The following MAGI2 variants were observed in gnomAD, a reference collection of about 807,000 sequenced individuals.
MAGI2 encodes membrane associated guanylate kinase, WW and PDZ domain containing 2.
A neutral mutation model predicts 133.3 loss-of-function variants in MAGI2; 35 were observed. The ratio of observed to expected loss-of-function variants is 0.26; its 90% CI spans 0.20 to 0.35. The LOEUF (loss-of-function observed/expected upper bound fraction) is 0.35. MAGI2 is among the 10% of genes least tolerant of loss of function. The probability of loss-of-function intolerance (pLI) is 1.00; values close to 1 mark genes in which losing one functional copy is unlikely to be tolerated. For synonymous variants in MAGI2, 729 were observed against 710.6 expected (o/e 1.03, Z -0.41); for missense variants, 1,636 against 1,863.4 (o/e 0.88, Z 2.25).
intron 21 of MAGI2, among the ~76,000 whole-genome samples, chr7:78,073,604 C>T (rs1814951825): frequency 6.6e-6 from 1 of 152,220 alleles, no homozygotes; most frequent in Admixed American, 6.5e-5. Context: ...CCACTTTGGT[C>T]TGAACTGCTT....
chr7:78,134,954 C>G, intron 17 of MAGI2, 67 bp downstream of exon 17: 1 of 1,446,306 alleles, frequency 6.9e-7, no homozygotes, highest in African/African-American at 1.4e-5. Context: ...GGCGGGCAGG[C>G]TGAGAACACC....
intron 2 of MAGI2, among the ~76,000 whole-genome samples, chr7:78,746,881 G>T (rs1458419822): frequency 6.6e-6 from 1 of 151,956 alleles, no homozygotes; most frequent in Non-Finnish European, 1.5e-5. Flanking sequence ...ACTATAATCT[G>T]GCATGGAAAT....
chr7:79,228,393 G>C (rs1010525515), intron 1 of MAGI2, among the ~76,000 whole-genome samples: 4 of 93,620 alleles, frequency 4.3e-5, no homozygotes, highest in African/African-American at 6.7e-5. Context: ...GTCTTGTCTT[G>C]AAATAAGAAA....
At chr7:78,903,827 G>A (rs534293958) in intron 2 of MAGI2, among the ~76,000 whole-genome samples, 8 of 152,064 alleles carry the variant, frequency 5.3e-5, no homozygotes, top group Non-Finnish European at 1.2e-4. Flanking sequence ...GATATTTATG[G>A]CTAACTACTA....
At chr7:78,020,053 G>T (rs1181217561) in intron 21 of MAGI2, 77 bp from the exon 22 acceptor site, 2 of 1,316,854 alleles carry the variant, frequency 1.5e-6, no homozygotes, top group Non-Finnish European at 2.0e-6. Context: ...GGGGACAGGG[G>T]CAGGCAGCTG....
At chr7:78,212,347 A>T (rs994617718) in intron 10 of MAGI2, among the ~76,000 whole-genome samples, 2 of 152,218 alleles carry the variant, frequency 1.3e-5, no homozygotes. Flanking sequence ...ATCTTTGATT[A>T]TACAGGTGGG....
At chr7:78,625,931 C>G (rs1014327472) in intron 3 of MAGI2, among the ~76,000 whole-genome samples, 4 of 152,092 alleles carry the variant, frequency 2.6e-5, no homozygotes, top group Non-Finnish European at 5.9e-5. Context: ...TGTGTAGGTA[C>G]ATTCTATGAT....
intron 2 of MAGI2, among the ~76,000 whole-genome samples, chr7:78,650,496 C>T (rs1374017104): frequency 6.6e-6 from 1 of 152,066 alleles, no homozygotes; most frequent in Admixed American, 6.6e-5. Context: ...AAGAACTAAA[C>T]CAGGAGAAAC....
rs376236011 is a variant in MAGI2, at chr7:78,480,193, T to C, written c.1045+9568A>G. Among the ~76,000 whole-genome samples, 18 of 151,958 alleles carry C rather than the reference T, an allele frequency of 1.2e-4. 1 individual carries two copies. The highest frequency in any genetic ancestry group is 4.3e-4 in the African/African-American group (18 of 41,512). ...ACCATTAAAGCAATTGAACTTGTAATTAAAATCCTCTTGAAAAAAATCCCC... is the reference window on the plus strand; with the variant it reads ...ACCATTAAAGCAATTGAACTTGTAACTAAAATCCTCTTGAAAAAAATCCCC... On this transcript the variant is annotated intron_variant, in intron 6 of 21. Transcript: ENST00000354212.
intron 9 of MAGI2, among the ~76,000 whole-genome samples, chr7:78,315,813 C>T (rs1787358455): frequency 6.6e-6 from 1 of 152,134 alleles, no homozygotes; most frequent in African/African-American, 2.4e-5. Context: ...CTTTAGAATT[C>T]ATTTGCAGGT....
intron 1 of MAGI2, chr7:79,125,868 C>T: frequency 2.2e-6 from 1 of 452,918 alleles, no homozygotes; most frequent in Non-Finnish European, 4.4e-6. Flanking sequence ...CAGAGAGTGA[C>T]AGGGAAGTTA....
At position 79,366,756 on chromosome 7, in the gene MAGI2, C is replaced by T. The variant is rs569028917; in HGVS notation, c.301+86264G>A. 1.1e-4 allele frequency among the ~76,000 whole-genome samples: 17 copies of T among 152,060 alleles called. No individual in the cohort carries two copies. In the South Asian group the frequency reaches 2.9e-3, roughly 26 times the overall value. On this transcript the variant is annotated intron_variant, in intron 1 of 21. Coordinates refer to ENST00000354212, the MANE Select transcript of MAGI2 (RefSeq NM_012301.4). ...TCAAAAATGTTTCAATTAAAAAATC[C>T]TATTAAATTCCAGATTCACTATTAG...
At chr7:79,148,081 T>C (rs4020771) in intron 1 of MAGI2, among the ~76,000 whole-genome samples, 92,786 of 152,100 alleles carry the variant, frequency 0.61, 34,373 homozygotes, top group Non-Finnish European at 0.83. Flanking sequence ...GAAGAAGACC[T>C]TGTCAGTGGC....
intron 2 of MAGI2, among the ~76,000 whole-genome samples, chr7:78,796,669 G>C (rs546013974): frequency 6.6e-6 from 1 of 152,158 alleles, no homozygotes; most frequent in East Asian, 1.9e-4. Flanking sequence ...TATCAAAAAG[G>C]AATCTGCACT....
intron 2 of MAGI2, among the ~76,000 whole-genome samples, chr7:78,687,019 A>G (rs570600276): frequency 9.2e-5 from 14 of 152,306 alleles, no homozygotes; most frequent in African/African-American, 3.1e-4. Context: ...AAACGTTGTT[A>G]CTCAGTCCAG....
At chr7:78,032,816 C>T (rs2428925) in intron 21 of MAGI2, among the ~76,000 whole-genome samples, 21,743 of 151,910 alleles carry the variant, frequency 0.14, 2,079 homozygotes, top group East Asian at 0.44. Flanking sequence ...GATTCTTGGG[C>T]TAAGAACAGA....
At chr7:78,267,162 G>T (rs34792792) in intron 9 of MAGI2, among the ~76,000 whole-genome samples, 1 of 151,962 alleles carries the variant, frequency 6.6e-6, no homozygotes, top group Non-Finnish European at 1.5e-5. Context: ...CTATTATGTT[G>T]ATCTACTCTT....
chr7:78,519,776 G>T (rs1796342806), intron 4 of MAGI2, among the ~76,000 whole-genome samples: 1 of 152,150 alleles, frequency 6.6e-6, no homozygotes, highest in African/African-American at 2.4e-5. Context: ...CAATGATCCT[G>T]GTTTAGCAGG....
chr7:78,455,705 A>G (rs1789239142), intron 6 of MAGI2, among the ~76,000 whole-genome samples: 1 of 152,166 alleles, frequency 6.6e-6, no homozygotes, highest in African/African-American at 2.4e-5. Flanking sequence ...ATACCAACAC[A>G]TAATTGTTAG....
Sources: allele counts gnomAD v4.1 joint callset (sites outside exome capture counted in the v4.1 genomes callset), GRCh38; gene constraint gnomAD v4.1.1; transcripts MANE v1.5; gene names NCBI Gene and HGNC (gene_info 2026-07-23, HGNC 2026-07-21).